The following AFF3 variants were observed in gnomAD, a reference collection of about 807,000 sequenced individuals.
AFF3 encodes AF4/FMR2 family member 3.
A neutral mutation model predicts 129.7 loss-of-function variants in AFF3; 32 were observed. The ratio of observed to expected loss-of-function variants is 0.25; its 90% CI spans 0.19 to 0.33. AFF3 has a LOEUF of 0.33. Ranked by LOEUF, AFF3 falls within the 10% of genes least tolerant of loss-of-function variation. AFF3 has a pLI of 1.00. For synonymous variants in AFF3, 644 were observed against 635.4 expected (o/e 1.01, Z -0.20); for missense variants, 1,373 against 1,592.0 (o/e 0.86, Z 2.34).
At chr2:99,892,648 T>G (rs1426972879) in intron 7 of AFF3, among the ~76,000 whole-genome samples, 1 of 152,100 alleles carries the variant, frequency 6.6e-6, no homozygotes, top group African/African-American at 2.4e-5. Flanking sequence ...CTCCTTCTAC[T>G]CGCATTCCCT....
intron 7 of AFF3, among the ~76,000 whole-genome samples, chr2:99,854,880 A>C (rs1234392136): frequency 6.6e-6 from 1 of 152,250 alleles, no homozygotes; most frequent in Non-Finnish European, 1.5e-5. Flanking sequence ...GATTTGTCAA[A>C]AGGTAACTCA....
chr2:99,786,094 C>A (rs1684768894), intron 8 of AFF3, among the ~76,000 whole-genome samples: 4 of 152,198 alleles, frequency 2.6e-5, no homozygotes, highest in African/African-American at 9.7e-5. Flanking sequence ...TGCCCCATGG[C>A]CATTCGTTGA....
intron 12 of AFF3, among the ~76,000 whole-genome samples, chr2:99,657,428 T>G (rs1051439167): frequency 6.6e-6 from 1 of 152,170 alleles, no homozygotes; most frequent in African/African-American, 2.4e-5. Context: ...CATGACAATT[T>G]TATTTTTGGC....
chr2:99,952,095 C>T (rs1388205745), intron 7 of AFF3, among the ~76,000 whole-genome samples: 2 of 152,186 alleles, frequency 1.3e-5, no homozygotes, highest in African/African-American at 4.8e-5. Context: ...GTGTCTCCAA[C>T]CAAGTCTCAC....
At chr2:99,567,299 A>G (rs896792273) in intron 19 of AFF3, among the ~76,000 whole-genome samples, 2 of 152,134 alleles carry the variant, frequency 1.3e-5, no homozygotes, top group African/African-American at 2.4e-5. Flanking sequence ...ACATTTCTTG[A>G]TAACACTTTC....
rs140680075 is a variant in AFF3, at chr2:99,775,713, A to T, written c.922-23412T>A. 2.8e-3 allele frequency among the ~76,000 whole-genome samples: 430 copies of T among 152,104 alleles called. 1 individual carries two copies. Among genetic ancestry groups the T allele is most frequent in the African/African-American group, 1.0e-2 (414 of 41,534 alleles). On this transcript the variant is annotated intron_variant, in intron 8 of 24. Coordinates refer to ENST00000672756, the MANE Select transcript of AFF3 (RefSeq NM_001386135.1). ...AGTTGGAAAAAAAAAAACCCAAGTC[A>T]GGATGCCATTCCTCATGGCTCATCC...
chr2:99,833,833 T>C (rs1688673876), intron 8 of AFF3, among the ~76,000 whole-genome samples: 1 of 152,230 alleles, frequency 6.6e-6, no homozygotes, highest in South Asian at 2.1e-4. Flanking sequence ...CTTCTAGCCC[T>C]GATCGCCCAT....
intron 8 of AFF3, among the ~76,000 whole-genome samples, chr2:99,818,659 A>G (rs74489036): frequency 0.012 from 1,849 of 152,314 alleles, 49 homozygotes; most frequent in African/African-American, 0.042. Flanking sequence ...TCATTTGTCA[A>G]TAAATGAGAT....
intron 9 of AFF3, among the ~76,000 whole-genome samples, chr2:99,745,698 T>C (rs1465343349): frequency 1.3e-5 from 2 of 152,226 alleles, no homozygotes; most frequent in Non-Finnish European, 1.5e-5. Context: ...ATAAAAAGAT[T>C]AGTATGGTAT....
rs142811591 is a variant in AFF3 at position 99,673,571 on chromosome 2, C to T, written c.1092-982G>A. Reference sequence around the variant, plus strand: ...GCACTGTATAAAAGCGTGCTCTCCACGCAGAGACGCTCTGAGGGAGCAGGG... The same window carrying T: ...GCACTGTATAAAAGCGTGCTCTCCATGCAGAGACGCTCTGAGGGAGCAGGG... On this transcript the variant is annotated intron_variant, in intron 11 of 24. Transcript: ENST00000672756. 3.3e-5 allele frequency among the ~76,000 whole-genome samples: 5 copies of T among 152,294 alleles called. No individual in the cohort carries two copies. In the East Asian group the frequency reaches 5.8e-4, roughly 18 times the overall value.
intron 2 of AFF3, among the ~76,000 whole-genome samples, chr2:100,120,847 AG>A (rs1448508208): frequency 6.6e-6 from 1 of 152,136 alleles, no homozygotes; most frequent in African/African-American, 2.4e-5. Flanking sequence ...TATGTTGCTC[AG>A]GCTGGTCTCA....
At chr2:99,594,439 C>G (rs1191537238) in intron 14 of AFF3, 150 bp from the exon 15 acceptor site, 8 of 1,197,448 alleles carry the variant, frequency 6.7e-6, no homozygotes, top group Admixed American at 2.6e-5. Context: ...AAGCATTAAG[C>G]GTGTGTGGCA....
intron 7 of AFF3, among the ~76,000 whole-genome samples, chr2:99,858,075 A>G (rs998888613): frequency 7.9e-5 from 12 of 152,160 alleles, no homozygotes; most frequent in African/African-American, 2.9e-4. Context: ...CTTGCTCAGC[A>G]GGGCTCACCA....
At chr2:100,023,026 C>T (rs750921729) in intron 4 of AFF3, among the ~76,000 whole-genome samples, 1 of 152,238 alleles carries the variant, frequency 6.6e-6, no homozygotes, top group Admixed American at 6.5e-5. Context: ...CTGTGGGCCT[C>T]CATCTGGGTT....
At chr2:99,958,649 G>C (rs1310437686) in intron 7 of AFF3, among the ~76,000 whole-genome samples, 1 of 152,096 alleles carries the variant, frequency 6.6e-6, no homozygotes, top group Non-Finnish European at 1.5e-5. Flanking sequence ...ATGGGGGACA[G>C]GGGAAGGGGA....
At chr2:99,954,550 T>G (rs1576422505) in intron 7 of AFF3, among the ~76,000 whole-genome samples, 1 of 151,682 alleles carries the variant, frequency 6.6e-6, no homozygotes, top group African/African-American at 2.4e-5. Flanking sequence ...ATTAAGAAAA[T>G]GTGGCACATA....
At chr2:99,809,815 C>T (rs752690243) in intron 8 of AFF3, among the ~76,000 whole-genome samples, 7 of 152,192 alleles carry the variant, frequency 4.6e-5, no homozygotes, top group Middle Eastern at 3.2e-3. Flanking sequence ...AAGCTTCTTA[C>T]TCATTGTTCA....
At chr2:100,035,809 G>A (rs577225243) in intron 4 of AFF3, among the ~76,000 whole-genome samples, 1 of 152,218 alleles carries the variant, frequency 6.6e-6, no homozygotes, top group East Asian at 1.9e-4. Context: ...TTTAAAAATG[G>A]GGACATAGTA....
chr2:100,095,837 T>C (rs970713394), intron 4 of AFF3, among the ~76,000 whole-genome samples: 4 of 152,220 alleles, frequency 2.6e-5, no homozygotes, highest in African/African-American at 9.6e-5. Context: ...AAATTACACA[T>C]GGAAACTGCA....
Sources: gnomAD v4.1 joint callset for allele counts (sites outside exome capture counted in the v4.1 genomes callset) on GRCh38, gnomAD v4.1.1 for gene constraint, MANE v1.5 for transcripts, NCBI Gene and HGNC (gene_info 2026-07-23, HGNC 2026-07-21) for gene names.